RGL1: variants seen among roughly 807,000 people sequenced by gnomAD.
The protein encoded by RGL1 is ral guanine nucleotide dissociation stimulator like 1, also known as ral guanine nucleotide dissociation stimulator-like 1.
RGL1 carries 24 observed loss-of-function variants against 95.2 expected under a neutral mutation model. The observed-to-expected ratio is 0.25, with a 90% CI of 0.18 to 0.35. The LOEUF is 0.35. Among genes scored for constraint, RGL1 ranks in the 10% least tolerant of loss-of-function variants. RGL1 has a pLI of 1.00. For missense variants in RGL1, 715 were observed against 936.3 expected (o/e 0.76, Z 3.08); for synonymous variants, 329 against 344.9 (o/e 0.95, Z 0.51).
chr1:183,673,836 A>G (rs1048161349), intron 1 of RGL1, among the ~76,000 whole-genome samples: 2 of 152,090 alleles, frequency 1.3e-5, no homozygotes, highest in African/African-American at 4.8e-5. Context: ...CTGTGTCTTT[A>G]GACATGGTGC....
intron 1 of RGL1, among the ~76,000 whole-genome samples, chr1:183,646,127 TTTAACTCA>T (rs1650275453): frequency 6.6e-6 from 1 of 152,226 alleles, no homozygotes; most frequent in African/African-American, 2.4e-5. Context: ...TTGGGATCTT[TTTAACTCA>T]GTATCCCAAA....
rs1480167968 is a variant in RGL1, at chr1:183,687,182, T to A, written c.-33+50681T>A. On this transcript the variant is annotated intron_variant, in intron 1 of 18. Transcript: ENST00000304685. ...ATTTTTTTCATTATATTTAACAATA[T>A]CTGGTATTATTGGCTTTTGGATCTA... is the stretch of plus-strand genomic sequence containing the variant. Among the ~76,000 whole-genome samples, 3 of 152,338 alleles carry A rather than the reference T, an allele frequency of 2.0e-5. No homozygotes were observed. In the East Asian group the frequency reaches 5.8e-4, roughly 29 times the overall value.
chr1:183,827,355 G>C (rs1280128119), intron 2 of RGL1, among the ~76,000 whole-genome samples: 2 of 152,276 alleles, frequency 1.3e-5, no homozygotes, highest in Middle Eastern at 6.8e-3. Flanking sequence ...TTAACCCAAA[G>C]GTGTGGAATT....
chr1:183,640,944 C>T (rs1006416270), intron 1 of RGL1, among the ~76,000 whole-genome samples: 1 of 151,980 alleles, frequency 6.6e-6, no homozygotes, highest in African/African-American at 2.4e-5. Flanking sequence ...TATCAAATGC[C>T]TTTTATGGGG....
chr1:183,667,847 A>G (rs1652147572), intron 1 of RGL1, among the ~76,000 whole-genome samples: 1 of 152,154 alleles, frequency 6.6e-6, no homozygotes, highest in African/African-American at 2.4e-5. Flanking sequence ...TGATTGTCTT[A>G]GAGTTTGTAA....
At chr1:183,807,820 A>T (rs1482665092) in intron 2 of RGL1, among the ~76,000 whole-genome samples, 1 of 152,238 alleles carries the variant, frequency 6.6e-6, no homozygotes, top group Non-Finnish European at 1.5e-5. Flanking sequence ...CTTACTCAGA[A>T]TATGATTTTA....
At chr1:183,714,808 G>C (rs116739881) in intron 1 of RGL1, among the ~76,000 whole-genome samples, 137 of 152,312 alleles carry the variant, frequency 9.0e-4, no homozygotes, top group African/African-American at 3.1e-3. Context: ...CCAGCCACCT[G>C]AAAGAGCTTG....
Position 183,926,361 on chromosome 1 carries a change from C to A in RGL1, c.*69C>A. 7.6e-7 allele frequency: 1 copy of A among 1,322,604 alleles called. No homozygotes were observed. Among genetic ancestry groups the A allele is most frequent in the East Asian group, 2.4e-5 (1 of 41,280 alleles). The allele number at this position is 1,322,604 out of a possible 1,614,324, so 81.9% of individuals were successfully genotyped here. On this transcript the variant is annotated 3_prime_UTR_variant, in exon 18 of 18. Transcript: ENST00000360851. The stretch of plus-strand genomic sequence containing the variant: ...GCTGAGAAACAGGCTGCGGTGATTG[C>A]AATTACCATCCGGTGTTCGAGGATC...
chr1:183,666,386 T>G (rs1039722070), intron 1 of RGL1, among the ~76,000 whole-genome samples: 17 of 152,214 alleles, frequency 1.1e-4, no homozygotes, highest in Non-Finnish European at 1.9e-4. Flanking sequence ...CCCCAAATTT[T>G]GAAACATTGT....
At chr1:183,844,343 T>G (rs2102527163) in intron 2 of RGL1, among the ~76,000 whole-genome samples, 1 of 152,340 alleles carries the variant, frequency 6.6e-6, no homozygotes, top group South Asian at 2.1e-4. Context: ...AAATATGAGT[T>G]AAGTTTTAAA....
intron 10 of RGL1, 136 bp from the exon 11 acceptor site, chr1:183,900,014 A>G (rs145907845): frequency 6.9e-6 from 4 of 577,172 alleles, no homozygotes; most frequent in Admixed American, 3.1e-5. Context: ...AATTTAAAAA[A>G]TGTTATTCAT....
intron 16 of RGL1, among the ~76,000 whole-genome samples, chr1:183,920,004 T>A (rs1487898612): frequency 1.3e-5 from 2 of 152,202 alleles, no homozygotes; most frequent in Non-Finnish European, 2.9e-5. Flanking sequence ...GATGTAATAT[T>A]TGGGGTGTTC....
chr1:183,662,854 CA>C (rs1340121159), intron 1 of RGL1, among the ~76,000 whole-genome samples: 13 of 152,086 alleles, frequency 8.5e-5, no homozygotes, highest in African/African-American at 3.1e-4. Flanking sequence ...GTACTGGTAC[CA>C]AAACAGAGAC....
chr1:183,689,992 T>G (rs945711608), intron 1 of RGL1, among the ~76,000 whole-genome samples: 2 of 152,216 alleles, frequency 1.3e-5, no homozygotes, highest in East Asian at 3.8e-4. Context: ...TTGTAAGACT[T>G]GACTGTGTGT....
At chr1:183,741,916 A>T (rs765568460) in intron 1 of RGL1, among the ~76,000 whole-genome samples, 2 of 152,206 alleles carry the variant, frequency 1.3e-5, no homozygotes, top group Non-Finnish European at 2.9e-5. Context: ...GTTTGCCATT[A>T]TCAGAATGCA....
chr1:183,891,485 A>C (rs1338305092), intron 8 of RGL1, among the ~76,000 whole-genome samples: 2 of 152,324 alleles, frequency 1.3e-5, no homozygotes, highest in Non-Finnish European at 2.9e-5. Flanking sequence ...GATCATTCAG[A>C]AAGTGAGTGG....
At chr1:183,901,706 C>G (rs1668037694) in intron 11 of RGL1, among the ~76,000 whole-genome samples, 1 of 151,996 alleles carries the variant, frequency 6.6e-6, no homozygotes, top group Non-Finnish European at 1.5e-5. Context: ...TTCCCCCTCT[C>G]TCTACCCCTA....
chr1:183,702,088 C>T (rs1654631025), intron 1 of RGL1, among the ~76,000 whole-genome samples: 1 of 152,176 alleles, frequency 6.6e-6, no homozygotes, highest in African/African-American at 2.4e-5. Flanking sequence ...GAAGCCTGAA[C>T]ATTACTTGAA....
intron 1 of RGL1, among the ~76,000 whole-genome samples, chr1:183,697,786 G>T (rs1402966205): frequency 6.6e-6 from 1 of 152,140 alleles, no homozygotes; most frequent in Non-Finnish European, 1.5e-5. Flanking sequence ...ACATTGCTAG[G>T]TTAATCTAAT....
Sources: gnomAD v4.1 joint callset for allele counts (sites outside exome capture counted in the v4.1 genomes callset) on GRCh38, gnomAD v4.1.1 for gene constraint, MANE v1.5 for transcripts, NCBI Gene and HGNC (gene_info 2026-07-23, HGNC 2026-07-21) for gene names.